SWT1: variants seen among roughly 807,000 people sequenced by gnomAD.
The protein encoded by SWT1 is SWT1 RNA endoribonuclease homolog, also known as transcriptional protein SWT1.
SWT1 carries 33 observed loss-of-function variants against 107.3 expected under a neutral mutation model. The observed-to-expected ratio is 0.31, with a 90% confidence interval of 0.23 to 0.41. The LOEUF is 0.41. Among genes scored for constraint, SWT1 ranks in the 10% least tolerant of loss-of-function variants. SWT1 has a pLI of 1.00. For synonymous variants in SWT1, 345 were observed against 348.3 expected, an observed-to-expected ratio of 0.99 and a Z score of 0.11; for missense variants, 898 against 1,028.9, an observed-to-expected ratio of 0.87 and a Z score of 1.74.
intron 14 of SWT1, among the ~76,000 whole-genome samples, chr1:185,218,003 G>A (rs1659351314): frequency 6.6e-6 from 1 of 152,192 alleles, no homozygotes; most frequent in Non-Finnish European, 1.5e-5. Context: ...CCCGTCCATG[G>A]AAAAATTATC....
chr1:185,204,099 G>A (rs1658108542), intron 11 of SWT1, among the ~76,000 whole-genome samples: 1 of 152,176 alleles, frequency 6.6e-6, no homozygotes, highest in African/African-American at 2.4e-5. Flanking sequence ...AGGAGGGCAT[G>A]AAGATAGTTA....
chr1:185,234,045 A>C (rs180919211), intron 16 of SWT1, among the ~76,000 whole-genome samples: 41 of 152,188 alleles, frequency 2.7e-4, no homozygotes, highest in African/African-American at 9.9e-4. Flanking sequence ...CGCCCGGCCT[A>C]ATTTTAAAAT....
In SWT1 at chr1:185,226,817, A is replaced by C. The variant is rs1660101035; in HGVS notation, c.2310-4760A>C. 27 of 1,490,744 alleles carry C rather than the reference A, an allele frequency of 1.8e-5. No individual in the cohort carries two copies. The South Asian group carries it at 3.2e-4, about 18-fold the overall frequency. 92.3% of individuals were successfully genotyped at this position (1,490,744 alleles called of 1,614,324 possible). On this transcript the variant is annotated intron_variant, in intron 15 of 18. Coordinates refer to ENST00000367500, the MANE Select transcript of SWT1 (RefSeq NM_017673.7). ...AAAATTGTTTGGTTTAGCTCTCAGC[A>C]GCCCGCTCCTGAGCTCTGAGGAAGC...
intron 10 of SWT1, 125 bp from the exon 11 acceptor site, chr1:185,202,529 A>G: frequency 1.5e-6 from 1 of 676,870 alleles, no homozygotes; most frequent in Non-Finnish European, 2.3e-6. Context: ...AAAAGTTGTT[A>G]TTCTTTCTTA....
At chr1:185,278,343 CACCATCTGTGAGGA>C (rs1383352577) in intron 18 of SWT1, among the ~76,000 whole-genome samples, 6 of 152,188 alleles carry the variant, frequency 3.9e-5, no homozygotes, top group Non-Finnish European at 1.5e-5. Flanking sequence ...ACAGAGAAGG[CACCATCTGTGAGGA>C]AGAGGACCCT....
At chr1:185,248,076 C>A (rs1241879012) in intron 16 of SWT1, among the ~76,000 whole-genome samples, 2 of 152,100 alleles carry the variant, frequency 1.3e-5, no homozygotes, top group Admixed American at 1.3e-4. Context: ...TGGTTATTTT[C>A]AAAAAGTCAA....
chr1:185,204,587 A>G (rs1658159194), intron 11 of SWT1, 113 bp from the exon 12 acceptor site: 1 of 456,424 alleles, frequency 2.2e-6, no homozygotes, highest in East Asian at 3.8e-5. Context: ...TTTGTTTTAT[A>G]TATAATTAAA....
chr1:185,204,054 A>G (rs959972922), intron 11 of SWT1, among the ~76,000 whole-genome samples: 4 of 152,190 alleles, frequency 2.6e-5, no homozygotes, highest in Non-Finnish European at 5.9e-5. Context: ...TAATGAAGTG[A>G]TATCACTTAA....
rs1411575635 is a variant in SWT1 at position 185,222,532 on chromosome 1, G to A, written c.2309+496G>A. ...AGCACTTCGGGAGGCAGAGGTGAGT[G>A]GATCACTTGAGGTCAGTAGTTTGAA... is the stretch of plus-strand genomic sequence containing the variant. On this transcript the variant is annotated intron_variant, in intron 15 of 18. Transcript: ENST00000367500. Among the ~76,000 whole-genome samples the A allele has an allele frequency of 2.0e-5, 3 of 151,866 alleles. No homozygotes were observed. In the South Asian group the frequency reaches 6.2e-4, roughly 32 times the overall value.
intron 15 of SWT1, chr1:185,227,758 C>T (rs1660184430): frequency 1.4e-5 from 6 of 430,224 alleles, no homozygotes; most frequent in Non-Finnish European, 2.7e-5. Flanking sequence ...CCCAGCAGCT[C>T]TAGCGGGGGA....
At chr1:185,220,121 A>G (rs1227529487) in intron 14 of SWT1, among the ~76,000 whole-genome samples, 2 of 122,126 alleles carry the variant, frequency 1.6e-5, no homozygotes, top group Non-Finnish European at 1.6e-5. Context: ...CCTGGGTGGC[A>G]GAATGAGACC....
chr1:185,257,170 A>G (rs536251051), intron 16 of SWT1, among the ~76,000 whole-genome samples: 26 of 152,252 alleles, frequency 1.7e-4, no homozygotes, highest in African/African-American at 4.6e-4. Flanking sequence ...TGGGAGAACC[A>G]CTGCTCTCTT....
At chr1:185,228,521 C>CA (rs1231269913) in intron 15 of SWT1, among the ~76,000 whole-genome samples, 2 of 151,732 alleles carry the variant, frequency 1.3e-5, no homozygotes, top group Non-Finnish European at 2.9e-5. Flanking sequence ...GACACTGTCT[C>CA]AAAAAAAGAT....
At chr1:185,161,790 G>A (rs751273030) in intron 2 of SWT1, among the ~76,000 whole-genome samples, 1 of 152,078 alleles carries the variant, frequency 6.6e-6, no homozygotes, top group African/African-American at 2.4e-5. Flanking sequence ...AAGCAAAACT[G>A]CAAAACAAAC....
chr1:185,230,748 G>A (rs1660451891), intron 15 of SWT1, among the ~76,000 whole-genome samples: 1 of 151,930 alleles, frequency 6.6e-6, no homozygotes, highest in Non-Finnish European at 1.5e-5. Flanking sequence ...GTGTGTGTGT[G>A]TGTGTTTGTT....
chr1:185,290,303 G>A (rs974666895), intron 18 of SWT1, among the ~76,000 whole-genome samples: 2 of 151,948 alleles, frequency 1.3e-5, no homozygotes, highest in Non-Finnish European at 2.9e-5. Context: ...AAGGCTGGGC[G>A]TGGTGGCTCA....
At chr1:185,186,170 G>A (rs1656448045) in intron 9 of SWT1, among the ~76,000 whole-genome samples, 1 of 152,108 alleles carries the variant, frequency 6.6e-6, no homozygotes, top group African/African-American at 2.4e-5. Context: ...TTCAGAATAG[G>A]CAGTAATTCT....
At chr1:185,223,273 G>T (rs138977206) in intron 15 of SWT1, among the ~76,000 whole-genome samples, 280 of 152,082 alleles carry the variant, frequency 1.8e-3, no homozygotes, top group African/African-American at 6.4e-3. Context: ...AGGTGGTAGT[G>T]CAGTGGTATA....
chr1:185,220,857 A>C (rs1011575376), intron 14 of SWT1, among the ~76,000 whole-genome samples: 1 of 152,244 alleles, frequency 6.6e-6, no homozygotes, highest in Non-Finnish European at 1.5e-5. Flanking sequence ...GCAACGCATA[A>C]GTTAATGTGA....
Sources: gnomAD v4.1 joint callset for allele counts (sites outside exome capture counted in the v4.1 genomes callset) on GRCh38, gnomAD v4.1.1 for gene constraint, MANE v1.5 for transcripts, NCBI Gene and HGNC (gene_info 2026-07-23, HGNC 2026-07-21) for gene names.